Variants in DYM observed in about 807,000 individuals in gnomAD.
The protein encoded by DYM is dymeclin.
DYM carries 78 observed loss-of-function variants against 93.1 expected under a neutral mutation model. The observed-to-expected ratio is 0.84, with a 90% CI of 0.70 to 1.01. The LOEUF (loss-of-function observed/expected upper bound fraction) is 1.01. Ranked by LOEUF, DYM falls within the 50% of genes least tolerant of loss-of-function variation. The probability of loss-of-function intolerance (pLI) is 0.00; values close to 1 mark genes in which losing one functional copy is unlikely to be tolerated. For missense variants in DYM, 789 were observed against 845.0 expected, an observed-to-expected ratio of 0.93 and a Z score of 0.82; for synonymous variants, 321 against 319.7, an observed-to-expected ratio of 1.00 and a Z score of -0.04.
intron 6 of DYM, among the ~76,000 whole-genome samples, chr18:49,356,503 G>C (rs1751753565): frequency 6.6e-6 from 1 of 152,028 alleles, no homozygotes; most frequent in Admixed American, 6.6e-5. Context: ...ACTTGCTGTA[G>C]TCACCCCCCA....
At chr18:49,180,328 G>A (rs1023772099) in intron 14 of DYM, among the ~76,000 whole-genome samples, 1 of 151,962 alleles carries the variant, frequency 6.6e-6, no homozygotes. Context: ...GCCCATCCTC[G>A]TTCTCTGGTA....
Position 49,257,004 on chromosome 18 carries a change from A to G in DYM, c.1460+6T>C. 6.2e-7 allele frequency: 1 copy of G among 1,609,256 alleles called. No homozygotes were observed. The highest frequency in any genetic ancestry group is 8.5e-7 in the Non-Finnish European group (1 of 1,175,640). On this transcript the variant is annotated splice_donor_region_variant and intron_variant, in intron 13 of 17. Transcript: ENST00000675505. The stretch of plus-strand genomic sequence containing the variant: ...AATCAGTATTTCTTTTAAAGTTCAT[A>G]TTTACCTGATGATCCTCTGGGCAGC...
intron 5 of DYM, among the ~76,000 whole-genome samples, chr18:49,370,107 G>T (rs970635791): frequency 6.6e-6 from 1 of 151,480 alleles, no homozygotes; most frequent in African/African-American, 2.4e-5. Context: ...TGAAACCCCC[G>T]TCTCTACTAA....
At chr18:49,145,135 AATT>A (rs1190219760) in intron 15 of DYM, among the ~76,000 whole-genome samples, 40 of 9,274 alleles carry the variant, frequency 4.3e-3, no homozygotes, top group Non-Finnish European at 6.0e-3. Flanking sequence ...ATATATATAT[AATT>A]TATATATATA....
chr18:49,270,431 G>A (rs974139683), intron 11 of DYM, among the ~76,000 whole-genome samples: 1 of 152,168 alleles, frequency 6.6e-6, no homozygotes, highest in Admixed American at 6.5e-5. Context: ...CCAGGGGGTG[G>A]ATGTGAGAAA....
At chr18:49,294,435 T>G (rs1417148792) in intron 8 of DYM, among the ~76,000 whole-genome samples, 1 of 152,046 alleles carries the variant, frequency 6.6e-6, no homozygotes, top group African/African-American at 2.4e-5. Context: ...ATATTGATTC[T>G]TTCTATCCAT....
intron 1 of DYM, among the ~76,000 whole-genome samples, chr18:49,439,351 T>A (rs182229296): frequency 3.0e-4 from 46 of 152,322 alleles, no homozygotes; most frequent in African/African-American, 1.0e-3. Flanking sequence ...TCTTAACATG[T>A]GCAAAACTGA....
chr18:49,330,017 A>C (rs955348151), intron 8 of DYM, among the ~76,000 whole-genome samples: 1 of 152,340 alleles, frequency 6.6e-6, no homozygotes, highest in East Asian at 1.9e-4. Context: ...TTAACTTAAA[A>C]TTACATGACT....
At chr18:49,113,039 T>C (rs141091789) in intron 16 of DYM, among the ~76,000 whole-genome samples, 6 of 152,314 alleles carry the variant, frequency 3.9e-5, no homozygotes, top group African/African-American at 1.4e-4. Flanking sequence ...ATGTCATATA[T>C]TGGGATAAGA....
At chr18:49,351,700 C>T (rs2147174933) in intron 6 of DYM, among the ~76,000 whole-genome samples, 1 of 152,176 alleles carries the variant, frequency 6.6e-6, no homozygotes, top group African/African-American at 2.4e-5. Flanking sequence ...CTAGGGAATA[C>T]TGATTATCAG....
chr18:49,423,090 C>G (rs994978578), intron 2 of DYM, among the ~76,000 whole-genome samples: 5 of 152,306 alleles, frequency 3.3e-5, no homozygotes, highest in African/African-American at 1.2e-4. Context: ...ACAGAATATA[C>G]ATTCTTTTCA....
intron 15 of DYM, among the ~76,000 whole-genome samples, chr18:49,147,507 A>C (rs2085296664): frequency 6.6e-6 from 1 of 152,356 alleles, no homozygotes; most frequent in Admixed American, 6.5e-5. Context: ...CAAGAAAAAA[A>C]CATCCCCATG....
chr18:49,076,566 C>T (rs910310195), intron 17 of DYM, among the ~76,000 whole-genome samples: 1 of 152,166 alleles, frequency 6.6e-6, no homozygotes, highest in South Asian at 2.1e-4. Flanking sequence ...ATCCTGATGA[C>T]ACCTGGGAAG....
At chr18:49,164,880 A>T (rs773010661) in intron 14 of DYM, among the ~76,000 whole-genome samples, 1 of 152,208 alleles carries the variant, frequency 6.6e-6, no homozygotes, top group Non-Finnish European at 1.5e-5. Context: ...ACTTTATTCT[A>T]AGAGGCACCC....
chr18:49,258,574 A>T, intron 11 of DYM, 81 bp from the exon 12 acceptor site: 1 of 895,228 alleles, frequency 1.1e-6, no homozygotes, highest in South Asian at 1.4e-5. Context: ...AATTTTTGAT[A>T]AACGATGACT....
chr18:49,105,357 A>G (rs2080678337), intron 16 of DYM, among the ~76,000 whole-genome samples: 1 of 152,172 alleles, frequency 6.6e-6, no homozygotes, highest in Admixed American at 6.5e-5. Flanking sequence ...TCAAAAAACC[A>G]GCTCCTGGAT....
At chr18:49,099,498 T>C (rs1445063101) in intron 16 of DYM, among the ~76,000 whole-genome samples, 2 of 152,214 alleles carry the variant, frequency 1.3e-5, no homozygotes, top group African/African-American at 4.8e-5. Context: ...GCAATATATG[T>C]TCTAGTTCTT....
chr18:49,399,229 A>G (rs2070482143), intron 2 of DYM, among the ~76,000 whole-genome samples: 1 of 152,164 alleles, frequency 6.6e-6, no homozygotes, highest in African/African-American at 2.4e-5. Context: ...AACGTACCAT[A>G]GAAGGAATCA....
intron 2 of DYM, among the ~76,000 whole-genome samples, chr18:49,428,681 A>G (rs945411295): frequency 6.6e-6 from 1 of 152,060 alleles, no homozygotes; most frequent in African/African-American, 2.4e-5. Flanking sequence ...CCTCTCAAAA[A>G]ATAAATAAAT....
Sources: allele counts gnomAD v4.1 joint callset (sites outside exome capture counted in the v4.1 genomes callset), GRCh38; gene constraint gnomAD v4.1.1; transcripts MANE v1.5; gene names NCBI Gene and HGNC (gene_info 2026-07-23, HGNC 2026-07-21).